ASTE1: variants seen among roughly 807,000 people sequenced by gnomAD.
ASTE1 encodes asteroid structure-specific endonuclease 1.
Under a neutral mutation model 45.8 loss-of-function variants are expected in ASTE1, and 49 were observed. The ratio of observed to expected loss-of-function variants is 1.07; its 90% confidence interval spans 0.85 to 1.36. The LOEUF (loss-of-function observed/expected upper bound fraction) is 1.36. Ranked by LOEUF, ASTE1 falls within the 40% of genes most tolerant of loss-of-function variation. ASTE1 has a pLI of 0.00. For missense variants in ASTE1, 709 were observed against 804.0 expected, an observed-to-expected ratio of 0.88 and a Z score of 1.43; for synonymous variants, 296 against 303.9, an observed-to-expected ratio of 0.97 and a Z score of 0.27.
chr3:131,024,056 A>C lies in ASTE1; in HGVS notation c.1251T>G (p.Ile417Met), dbSNP rs34597185. 8.6e-4 allele frequency: 1,386 copies of C among 1,613,764 alleles called. 11 individuals carry two copies. The African/African-American group carries it at 0.016, about 19-fold the overall frequency. ...GATCCTTGGCCAGTTCTACTGCATC[A>C]ATGATTGAGGTTCTGATATTTTTAT... is the stretch of plus-strand genomic sequence containing the variant. ...RINKNIRTSIIDAVELAKDHS... is the reference protein window; with the variant it reads ...RINKNIRTSIMDAVELAKDHS... Residue 417 changes from isoleucine (I) to methionine (M), a missense_variant, in exon 3 of 6, where the codon ATT becomes ATG. Physicochemically the swap from Ile to Met is conservative, Grantham distance 10. Coordinates refer to ENST00000264992, the MANE Select transcript of ASTE1 (RefSeq NM_014065.4).
At chr3:131,015,664 A>G (rs568746049) in intron 5 of ASTE1, among the ~76,000 whole-genome samples, 5 of 152,350 alleles carry the variant, frequency 3.3e-5, no homozygotes, top group African/African-American at 1.2e-4. Flanking sequence ...AGCACAGGGT[A>G]GGCATTTAAT....
Position 131,025,118 on chromosome 3 carries a change from G to C in ASTE1, c.189C>G (p.Phe63Leu). The C allele has an allele frequency of 6.2e-7, 1 of 1,614,084 alleles. No homozygotes were observed. Among genetic ancestry groups the C allele is most frequent in the East Asian group, 2.2e-5 (1 of 44,884 alleles). The stretch of plus-strand genomic sequence containing the variant: ...TATTACAAGCAAACAGTGATTCAAA[G>C]AATTTTTGTACAACATCTGCAAAAG... The part of the protein sequence containing the change: ...YDSFADVVQK[F>L]FESLFACNIC... Residue 63 changes from phenylalanine (F) to leucine (L), a missense_variant, in exon 3 of 6, where the codon TTC (phenylalanine) becomes TTG (leucine). Phe to Leu is a conservative substitution (Grantham distance 22). Coordinates refer to ENST00000264992, the MANE Select transcript of ASTE1 (RefSeq NM_014065.4).
intron 3 of ASTE1, among the ~76,000 whole-genome samples, chr3:131,023,695 G>A (rs2063772132): frequency 6.6e-6 from 1 of 151,502 alleles, no homozygotes; most frequent in Admixed American, 6.6e-5. Flanking sequence ...CCATTCTATT[G>A]ATAGCTAGTA....
rs1029628030 is a variant in ASTE1, at chr3:131,026,506, C to T, written c.-147+1G>A. 1 of 152,906 alleles carries T rather than the reference C, an allele frequency of 6.5e-6. No individual in the cohort carries two copies. The highest frequency in any genetic ancestry group is 2.4e-5 in the African/African-American group (1 of 41,466). 9.5% of individuals were successfully genotyped at this position (152,906 alleles called of 1,614,324 possible). ...CCGGACCTGCAGCAGAGCCCACCTA[C>T]TCTGTCCTCCCAGAGGAGTAGCTCC... is the stretch of plus-strand genomic sequence containing the variant. On this transcript the variant is annotated splice_donor_variant, in intron 1 of 5. Coordinates refer to ENST00000264992, the MANE Select transcript of ASTE1 (RefSeq NM_014065.4). LOFTEE classifies it low-confidence loss of function (5UTR_SPLICE).
intron 5 of ASTE1, among the ~76,000 whole-genome samples, chr3:131,015,644 C>T (rs2063585028): frequency 6.6e-6 from 1 of 152,060 alleles, no homozygotes; most frequent in Non-Finnish European, 1.5e-5. Context: ...TGTTTTTGTC[C>T]CTACACCCTA....
intron 3 of ASTE1, among the ~76,000 whole-genome samples, chr3:131,021,169 G>GCAT (rs1358102649): frequency 4.1e-4 from 63 of 151,998 alleles, no homozygotes; most frequent in Admixed American, 4.1e-3. Flanking sequence ...ATAAACAATG[G>GCAT]GAGAGACTAT....
rs1560065690 is a variant in ASTE1 at position 131,025,094 on chromosome 3, A to AT, written c.212dup (p.Asn71LysfsTer13). ...CATCTAATACAACATATGGGCATAT[A>AT]TTACAAGCAAACAGTGATTCAAAGA... On this transcript the variant is annotated frameshift_variant, in exon 3 of 6. Coordinates refer to ENST00000264992, the MANE Select transcript of ASTE1 (RefSeq NM_014065.4). LOFTEE classifies it high-confidence loss of function. 1 of 1,614,170 alleles carries AT rather than the reference A, an allele frequency of 6.2e-7. No homozygotes were observed. The highest frequency in any genetic ancestry group is 2.2e-5 in the East Asian group (1 of 44,892).
chr3:131,016,023 A>T, intron 5 of ASTE1, 121 bp downstream of exon 5: 1 of 1,235,582 alleles, frequency 8.1e-7, no homozygotes, highest in Non-Finnish European at 1.1e-6. Flanking sequence ...TTACATTAAG[A>T]TTAGTTTTTT....
At position 131,024,925 on chromosome 3, in the gene ASTE1, T is replaced by A. The variant is rs750874006; in HGVS notation, c.382A>T (p.Ile128Phe). Reference sequence around the variant, plus strand: ...TGGACAAAACACACCCGCAGCTTGATCAAAACCTGTATGAATACTTCCCGG... The same window carrying A: ...TGGACAAAACACACCCGCAGCTTGAACAAAACCTGTATGAATACTTCCCGG... ...LIREVFIQVL[I>F]KLRVCFVQCF... is the part of the protein sequence containing the mutation. Residue 128 changes from isoleucine (I) to phenylalanine (F), a missense_variant, in exon 3 of 6, where the codon ATC (isoleucine) becomes TTC (phenylalanine). Coordinates refer to ENST00000264992, the MANE Select transcript of ASTE1 (RefSeq NM_014065.4). The A allele has an allele frequency of 1.2e-6, 2 of 1,613,792 alleles. No homozygotes were observed. Among genetic ancestry groups the A allele is most frequent in the Non-Finnish European group, 1.7e-6 (2 of 1,179,904 alleles).
intron 5 of ASTE1, chr3:131,015,219 T>A (rs376481302): frequency 8.5e-6 from 6 of 702,348 alleles, no homozygotes; most frequent in African/African-American, 7.0e-5. Context: ...TTTGTATGCG[T>A]CCATATATCC....
In ASTE1 at chr3:131,020,623, A is replaced by G. The variant is rs1027150497; in HGVS notation, c.1303-1907T>C. ...TGGCCAAAGCAGATAATGTATTACA[A>G]GATCTAAAAAACAAAATGAATAGGT... On this transcript the variant is annotated intron_variant, in intron 3 of 5. Coordinates refer to ENST00000264992, the MANE Select transcript of ASTE1 (RefSeq NM_014065.4). Among the ~76,000 whole-genome samples, 4 of 152,370 alleles carry G rather than the reference A, an allele frequency of 2.6e-5. No individual in the cohort carries two copies. The East Asian group carries it at 7.7e-4, about 29-fold the overall frequency.
chr3:131,023,632 T>C (rs2063771072), intron 3 of ASTE1, among the ~76,000 whole-genome samples: 1 of 152,240 alleles, frequency 6.6e-6, no homozygotes. Context: ...TTAGTGTCTA[T>C]ACACTTTTTT....
intron 3 of ASTE1, among the ~76,000 whole-genome samples, chr3:131,021,766 T>C (rs969040050): frequency 2.0e-5 from 3 of 152,178 alleles, no homozygotes; most frequent in African/African-American, 7.2e-5. Flanking sequence ...ACTTCACAGA[T>C]GTAGACATCT....
intron 4 of ASTE1, chr3:131,017,074 G>A: frequency 7.8e-7 from 1 of 1,286,634 alleles, no homozygotes; most frequent in Non-Finnish European, 1.0e-6. Flanking sequence ...ACAGACCCTT[G>A]ACATGCCCCT....
chr3:131,025,466 AT>A lies in ASTE1; in HGVS notation c.-26+7del. 6.8e-6 allele frequency: 8 copies of A among 1,177,544 alleles called. No homozygotes were observed. Among genetic ancestry groups the A allele is most frequent in the Non-Finnish European group, 9.1e-6 (8 of 882,668 alleles). 72.9% of individuals were successfully genotyped at this position (1,177,544 alleles called of 1,614,324 possible). A position where few individuals can be genotyped will look rare whatever the true frequency, so the allele number is the denominator to read the frequency against. ...TAGAACATAGATATCAACATCATAA[AT>A]TCTTACCTAGATCCTCAAGCAATGT... On this transcript the variant is annotated splice_region_variant and intron_variant, in intron 2 of 5. Coordinates refer to ENST00000264992, the MANE Select transcript of ASTE1 (RefSeq NM_014065.4).
chr3:131,022,459 G>GT (rs1486192873), intron 3 of ASTE1, among the ~76,000 whole-genome samples: 1 of 151,710 alleles, frequency 6.6e-6, no homozygotes, highest in Non-Finnish European at 1.5e-5. Context: ...AGCCTCTTGA[G>GT]TAGCTGTACC....
Position 131,024,421 on chromosome 3 carries a change from T to C in ASTE1, c.886A>G (p.Met296Val), listed in dbSNP as rs369186688. ...ACCTGGGACTGTTGGTATTCTTCCATGGAACAGCAGAGAAGTTCCTTAACA... is the reference window on the plus strand; with the variant it reads ...ACCTGGGACTGTTGGTATTCTTCCACGGAACAGCAGAGAAGTTCCTTAACA... ...ENVKELLCCS[M>V]EEYQQSQVKL... The change falls in exon 3 of 6, where the codon ATG (methionine) becomes GTG (valine). Residue 296 changes from methionine (M) to valine (V), a missense_variant. Coordinates refer to ENST00000264992, the MANE Select transcript of ASTE1 (RefSeq NM_014065.4). 19 of 1,614,114 alleles carry C rather than the reference T, an allele frequency of 1.2e-5. No individual in the cohort carries two copies. In the East Asian group the frequency reaches 1.8e-4, roughly 15 times the overall value.
chr3:131,016,668 A>G (rs2063644699), intron 4 of ASTE1: 2 of 348,864 alleles, frequency 5.7e-6, no homozygotes, highest in Non-Finnish European at 1.1e-5. Flanking sequence ...AAAAATACAA[A>G]TGACTATTAA....
In ASTE1 at chr3:131,018,620, C is replaced by CA; in HGVS notation, c.1398dup (p.Ala467CysfsTer40). 6.2e-7 allele frequency: 1 copy of CA among 1,614,016 alleles called. No individual in the cohort carries two copies. The highest frequency in any genetic ancestry group is 8.5e-7 in the Non-Finnish European group (1 of 1,180,018). On this transcript the variant is annotated frameshift_variant, in exon 4 of 6. Coordinates refer to ENST00000264992, the MANE Select transcript of ASTE1 (RefSeq NM_014065.4). LOFTEE classifies it high-confidence loss of function. The stretch of plus-strand genomic sequence containing the variant: ...TGCTGCAACCAGTAGCAACTGACAG[C>CA]AATGGGCAACTTCAGTGAAGTAGGG...
Sources: gnomAD v4.1 joint callset for allele counts (sites outside exome capture counted in the v4.1 genomes callset) on GRCh38, gnomAD v4.1.1 for gene constraint, MANE v1.5 for transcripts, NCBI Gene and HGNC (gene_info 2026-07-23, HGNC 2026-07-21) for gene names.